ATAD2B: variants seen among roughly 807,000 people sequenced by gnomAD.
ATAD2B encodes ATPase family AAA domain containing 2B.
In ATAD2B, 40 loss-of-function variants were observed where a neutral mutation model predicts 167.6. That is an observed-to-expected ratio of 0.24 (90% CI 0.19 to 0.31). The LOEUF (loss-of-function observed/expected upper bound fraction) is 0.31, where lower values mean the gene tolerates loss of function less well. ATAD2B is among the 10% of genes least tolerant of loss of function. The pLI, the probability that ATAD2B is intolerant of heterozygous loss-of-function variation, is 1.00. For synonymous variants in ATAD2B, 579 were observed against 596.5 expected, an observed-to-expected ratio of 0.97 and a Z score of 0.43; for missense variants, 1,242 against 1,757.2, an observed-to-expected ratio of 0.71 and a Z score of 5.24.
chr2:23,684,853 T>C, the ATAD2B span, among the ~76,000 whole-genome samples: 1 of 152,196 alleles, frequency 6.6e-6, no homozygotes, highest in Non-Finnish European at 1.5e-5. The surrounding 1 kb of genome is among the most constrained non-coding windows in gnomAD (Gnocchi z 4.4). Flanking sequence ...GCTCACAAGC[T>C]GTCCCTGAGA....
At chr2:23,741,327 A>G in the ATAD2B span, among the ~76,000 whole-genome samples, 1 of 152,226 alleles carries the variant, frequency 6.6e-6, no homozygotes, top group Non-Finnish European at 1.5e-5. Flanking sequence ...AGGAACCAAA[A>G]CAGCATGGTA....
At chr2:23,716,218 T>A in the ATAD2B span, among the ~76,000 whole-genome samples, 4 of 152,240 alleles carry the variant, frequency 2.6e-5, no homozygotes, top group African/African-American at 9.6e-5. Context: ...TCTATGTAGA[T>A]CCCATATTAT....
chr2:23,924,317 G>A (rs563605493), intron 1 of ATAD2B, among the ~76,000 whole-genome samples: 9 of 152,220 alleles, frequency 5.9e-5, no homozygotes, highest in African/African-American at 1.4e-4. Flanking sequence ...GCAACAACAC[G>A]GGCAACCCCA....
At chr2:23,705,155 C>A in the ATAD2B span, among the ~76,000 whole-genome samples, 2 of 152,204 alleles carry the variant, frequency 1.3e-5, no homozygotes, top group Non-Finnish European at 2.9e-5. Flanking sequence ...TGGAGCATTG[C>A]GCTCCACTTG....
chr2:23,792,962 CAAAAAAAAAAAA>C (rs36015161), intron 19 of ATAD2B, among the ~76,000 whole-genome samples: 15 of 42,548 alleles, frequency 3.5e-4, no homozygotes, highest in East Asian at 1.4e-3. Flanking sequence ...GACTCTGTCT[CAAAAAAAAAAAA>C]AAAAAAAAAA....
At chr2:23,854,673 C>G (rs895909584) in intron 13 of ATAD2B, among the ~76,000 whole-genome samples, 10 of 142,814 alleles carry the variant, frequency 7.0e-5, no homozygotes, top group Non-Finnish European at 1.4e-4. Context: ...ATCGAGACTT[C>G]GTCTCAAAAA....
chr2:23,696,969 C>T, the ATAD2B span: 5 of 161,418 alleles, frequency 3.1e-5, no homozygotes, highest in Admixed American at 1.7e-4. This position sits in a 1 kb window ranked among gnomAD's most constrained non-coding sequence, Gnocchi z 5.5. Flanking sequence ...TCCTGCCAAG[C>T]GGGGGGTCCC....
At chr2:23,898,588 G>A (rs940034907) in intron 1 of ATAD2B, among the ~76,000 whole-genome samples, 3 of 152,188 alleles carry the variant, frequency 2.0e-5, no homozygotes, top group Non-Finnish European at 4.4e-5. Context: ...GACCTCTTGA[G>A]ACTGTGTCTT....
intron 22 of ATAD2B, among the ~76,000 whole-genome samples, chr2:23,767,549 A>G (rs2712071): frequency 0.16 from 24,683 of 152,230 alleles, 2,092 homozygotes; most frequent in Middle Eastern, 0.26. Context: ...AGGCAAAGAG[A>G]AACTGATCAT....
chr2:23,788,667 C>A lies in ATAD2B; in HGVS notation c.2641-20G>T. Reference sequence around the variant, plus strand: ...TTTAACCTACACATATACACACACACAAAGACATTAAATATATAAAGAATT... The same window carrying A: ...TTTAACCTACACATATACACACACAAAAAGACATTAAATATATAAAGAATT... On this transcript the variant is annotated intron_variant, in intron 19 of 27. Transcript: ENST00000238789. The A allele has an allele frequency of 6.5e-7, 1 of 1,532,240 alleles. No homozygotes were observed. The highest frequency in any genetic ancestry group is 8.9e-7 in the Non-Finnish European group (1 of 1,122,480). 94.9% of individuals were successfully genotyped at this position (1,532,240 alleles called of 1,614,324 possible).
intron 25 of ATAD2B, 23 bp downstream of exon 25, chr2:23,757,395 G>T (rs1390650289): frequency 2.1e-6 from 3 of 1,457,602 alleles, no homozygotes; most frequent in Non-Finnish European, 2.7e-6. Context: ...ACCTTCAGAA[G>T]ATTTTTCAAA....
At chr2:23,678,921 A>G in the ATAD2B span, among the ~76,000 whole-genome samples, 2 of 152,046 alleles carry the variant, frequency 1.3e-5, no homozygotes, top group Non-Finnish European at 2.9e-5. Context: ...GGAGGTGGGG[A>G]GTGGTTGTTT....
At chr2:23,735,061 A>G in the ATAD2B span, among the ~76,000 whole-genome samples, 4 of 152,190 alleles carry the variant, frequency 2.6e-5, no homozygotes, top group Admixed American at 6.5e-5. Flanking sequence ...CTAAAATTCT[A>G]TTTTCATGTC....
chr2:23,849,375 A>G (rs1042596769), intron 13 of ATAD2B, among the ~76,000 whole-genome samples: 2 of 152,244 alleles, frequency 1.3e-5, no homozygotes, highest in Admixed American at 6.5e-5. Context: ...TAAGAAAGCA[A>G]CATCAACATA....
At chr2:23,834,450 TG>T (rs1284844629) in intron 13 of ATAD2B, among the ~76,000 whole-genome samples, 2 of 152,060 alleles carry the variant, frequency 1.3e-5, no homozygotes, top group African/African-American at 4.8e-5. Context: ...ACGTGAGCCA[TG>T]GTACCCGGCT....
At chr2:23,915,331 T>C (rs1702881670) in intron 1 of ATAD2B, among the ~76,000 whole-genome samples, 1 of 151,828 alleles carries the variant, frequency 6.6e-6, no homozygotes, top group African/African-American at 2.4e-5. Context: ...GGGACAAGCA[T>C]AAACTGTGCA....
At position 23,926,873 on chromosome 2, in the gene ATAD2B, A is replaced by G; in HGVS notation, c.-103T>C. 7.3e-7 allele frequency: 1 copy of G among 1,364,430 alleles called. No homozygotes were observed. Among genetic ancestry groups the G allele is most frequent in the Non-Finnish European group, 9.7e-7 (1 of 1,033,410 alleles). The allele number at this position is 1,364,430 out of a possible 1,614,324, so 84.5% of individuals were successfully genotyped here. A position where few individuals can be genotyped will look rare whatever the true frequency, so the allele number is the denominator to read the frequency against. On this transcript the variant is annotated 5_prime_UTR_variant, in exon 1 of 28. Transcript: ENST00000238789. ...GCCAGCGGAGCCGAGCCGGGCAATGAGAGACGAGCCGGCCCGGAGCGTGCG... is the reference window on the plus strand; with the variant it reads ...GCCAGCGGAGCCGAGCCGGGCAATGGGAGACGAGCCGGCCCGGAGCGTGCG...
intron 1 of ATAD2B, among the ~76,000 whole-genome samples, chr2:23,911,238 G>A (rs573973015): frequency 6.7e-6 from 1 of 149,700 alleles, no homozygotes; most frequent in Non-Finnish European, 1.5e-5. Flanking sequence ...AAAAAAAAGA[G>A]GTAACGTTCT....
chr2:23,853,698 G>A (rs571553472), intron 13 of ATAD2B, among the ~76,000 whole-genome samples: 2 of 152,272 alleles, frequency 1.3e-5, no homozygotes, highest in East Asian at 3.9e-4. Flanking sequence ...AAACTGACAA[G>A]AGGCTTTAGA....
Sources: gnomAD v4.1 joint callset for allele counts (sites outside exome capture counted in the v4.1 genomes callset) on GRCh38, gnomAD v4.1.1 for gene constraint, Gnocchi (gnomAD v3.1) non-coding constraint, MANE v1.5 for transcripts, NCBI Gene and HGNC (gene_info 2026-07-23, HGNC 2026-07-21) for gene names.